The following ERBB4 variants were observed in gnomAD, a reference collection of about 807,000 sequenced individuals.
The protein encoded by ERBB4 is erb-b2 receptor tyrosine kinase 4.
ERBB4 carries 42 observed loss-of-function variants against 158.0 expected under a neutral mutation model. The observed-to-expected ratio is 0.27, with a 90% CI of 0.21 to 0.34. The LOEUF (loss-of-function observed/expected upper bound fraction) is 0.34. Ranked by LOEUF, ERBB4 falls within the 10% of genes least tolerant of loss-of-function variation. The pLI is 1.00. For synonymous variants in ERBB4, 583 were observed against 558.7 expected (o/e 1.04, Z -0.61); for missense variants, 1,333 against 1,624.1 (o/e 0.82, Z 3.08).
At chr2:212,326,403 A>C (rs2087834742) in intron 1 of ERBB4, among the ~76,000 whole-genome samples, 1 of 150,676 alleles carries the variant, frequency 6.6e-6, no homozygotes, top group Non-Finnish European at 1.5e-5. Flanking sequence ...ACTTTAAATA[A>C]ATGCTCATTT....
intron 1 of ERBB4, among the ~76,000 whole-genome samples, chr2:212,228,318 G>A (rs766868044): frequency 3.9e-5 from 6 of 152,116 alleles, no homozygotes; most frequent in Non-Finnish European, 8.8e-5. Context: ...CCCCAAACCT[G>A]AACTTTAGAT....
intron 19 of ERBB4, among the ~76,000 whole-genome samples, chr2:211,564,455 T>C (rs2067491467): frequency 6.6e-6 from 1 of 152,188 alleles, no homozygotes; most frequent in African/African-American, 2.4e-5. Flanking sequence ...AAAATAGAAG[T>C]ATTATGTAAA....
At chr2:212,354,728 A>G (rs1214768560) in intron 1 of ERBB4, among the ~76,000 whole-genome samples, 4 of 152,146 alleles carry the variant, frequency 2.6e-5, no homozygotes, top group Non-Finnish European at 4.4e-5. Context: ...CTTTCATGGT[A>G]GCTTTCATTT....
intron 1 of ERBB4, among the ~76,000 whole-genome samples, chr2:212,470,344 G>T (rs1264164113): frequency 6.6e-6 from 1 of 151,860 alleles, no homozygotes; most frequent in Non-Finnish European, 1.5e-5. Context: ...AAAAAAATAC[G>T]TGCCTTATTT....
At chr2:212,018,036 G>A (rs2076566966) in intron 2 of ERBB4, among the ~76,000 whole-genome samples, 1 of 152,140 alleles carries the variant, frequency 6.6e-6, no homozygotes, top group South Asian at 2.1e-4. Context: ...GTCTTGAATG[G>A]AAAATATAAT....
intron 2 of ERBB4, among the ~76,000 whole-genome samples, chr2:212,120,217 C>T (rs182039453): frequency 6.6e-6 from 1 of 152,250 alleles, no homozygotes; most frequent in Admixed American, 6.5e-5. Context: ...ATATTCAAAC[C>T]ACAAGACAAA....
chr2:212,117,970 T>C (rs1204289665), intron 2 of ERBB4, among the ~76,000 whole-genome samples: 4 of 152,194 alleles, frequency 2.6e-5, no homozygotes, highest in Non-Finnish European at 5.9e-5. Flanking sequence ...CTGTATAAAT[T>C]ATCTATTTAT....
intron 1 of ERBB4, among the ~76,000 whole-genome samples, chr2:212,293,856 AAAC>A (rs869244700): frequency 0.036 from 3,702 of 103,308 alleles, 269 homozygotes; most frequent in South Asian, 0.12. Flanking sequence ...TCAAAAAAAA[AAAC>A]AAAAAAAAAA....
chr2:212,101,331 A>G (rs1262102607), intron 2 of ERBB4, among the ~76,000 whole-genome samples: 1 of 149,584 alleles, frequency 6.7e-6, no homozygotes, highest in Non-Finnish European at 1.5e-5. Flanking sequence ...TCAAAATACA[A>G]ACACACACAC....
At chr2:212,504,269 A>G (rs1691059660) in intron 1 of ERBB4, among the ~76,000 whole-genome samples, 1 of 150,976 alleles carries the variant, frequency 6.6e-6, no homozygotes, top group Admixed American at 6.6e-5. Context: ...CCTCAAAACC[A>G]TAGCTGCATT....
In ERBB4 at chr2:211,852,852, G is replaced by A. The variant is rs2077753122; in HGVS notation, c.422-64693C>T. ...ATACTACCTAAACAAGAAGTGAGTT[G>A]CAAGATCCTTTCTCTGGAGCTATTA... On this transcript the variant is annotated intron_variant, in intron 3 of 27. Transcript: ENST00000342788. Among the ~76,000 whole-genome samples, 3 of 151,870 alleles carry A rather than the reference G, an allele frequency of 2.0e-5. No individual in the cohort carries two copies. The South Asian group carries it at 6.2e-4, about 32-fold the overall frequency.
At chr2:211,703,193 C>G (rs751229292) in intron 11 of ERBB4, among the ~76,000 whole-genome samples, 7 of 151,962 alleles carry the variant, frequency 4.6e-5, no homozygotes, top group Non-Finnish European at 7.4e-5. Context: ...CAAATTTTGT[C>G]CCCATCATAA....
intron 2 of ERBB4, among the ~76,000 whole-genome samples, chr2:212,058,246 G>A (rs1041076499): frequency 6.6e-6 from 1 of 152,180 alleles, no homozygotes. Flanking sequence ...CCAGGAAGAA[G>A]TTGAATCTCT....
At position 211,695,996 on chromosome 2, in the gene ERBB4, C is replaced by G. The variant is rs1482638389; in HGVS notation, c.1489+5971G>C. 1.0e-4 allele frequency among the ~76,000 whole-genome samples: 15 copies of G among 147,474 alleles called. 1 individual carries two copies. The highest frequency in any genetic ancestry group is 3.5e-4 in the African/African-American group (14 of 39,934). On this transcript the variant is annotated intron_variant, in intron 12 of 27. Coordinates refer to ENST00000342788, the MANE Select transcript of ERBB4 (RefSeq NM_005235.3). The stretch of plus-strand genomic sequence containing the variant: ...TCCTTCCTTCCTTCCTCCCTCCTTC[C>G]CTTCCCTTCCTTCCTTCTTTCCTTT...
intron 20 of ERBB4, among the ~76,000 whole-genome samples, chr2:211,542,514 G>A (rs577129867): frequency 6.6e-6 from 1 of 151,978 alleles, no homozygotes; most frequent in East Asian, 1.9e-4. Flanking sequence ...CATACTTTGT[G>A]CTAATTTGGG....
chr2:211,396,848 T>C (rs2062929971), intron 25 of ERBB4, among the ~76,000 whole-genome samples: 1 of 152,204 alleles, frequency 6.6e-6, no homozygotes, highest in Admixed American at 6.6e-5. Flanking sequence ...TTTGTAACAA[T>C]GGTTTATTCA....
intron 20 of ERBB4, among the ~76,000 whole-genome samples, chr2:211,446,133 TTGAAG>T (rs1332486855): frequency 4.6e-5 from 7 of 152,262 alleles, no homozygotes; most frequent in Middle Eastern, 3.4e-3. Context: ...GTGAATAGTT[TTGAAG>T]TGGCCAAAGG....
intron 1 of ERBB4, among the ~76,000 whole-genome samples, chr2:212,283,346 T>C (rs1035455265): frequency 3.9e-5 from 6 of 151,990 alleles, no homozygotes; most frequent in Non-Finnish European, 5.9e-5. Flanking sequence ...ATTTGTACGG[T>C]AATCCCACAT....
In ERBB4 at chr2:212,321,736, C is replaced by G. The variant is rs1020562038; in HGVS notation, c.83-196833G>C. 1.3e-5 allele frequency among the ~76,000 whole-genome samples: 2 copies of G among 150,076 alleles called. 1 individual carries two copies. The highest frequency in any genetic ancestry group is 3.0e-5 in the Non-Finnish European group (2 of 66,892). ...AATAAAACCACAACAAAACCTGTAT[C>G]TTTGCTAATAGCTAGACTTAAATTT... On this transcript the variant is annotated intron_variant, in intron 1 of 27. Transcript: ENST00000342788.
Sources: gnomAD v4.1 joint callset for allele counts (sites outside exome capture counted in the v4.1 genomes callset) on GRCh38, gnomAD v4.1.1 for gene constraint, MANE v1.5 for transcripts, NCBI Gene and HGNC (gene_info 2026-07-23, HGNC 2026-07-21) for gene names.